Variants in KCTD16 observed in about 807,000 individuals in gnomAD.
The protein encoded by KCTD16 is BTB/POZ domain-containing protein KCTD16.
A neutral mutation model predicts 33.2 loss-of-function variants in KCTD16; 13 were observed. That is an observed-to-expected ratio of 0.39 (90% CI 0.25 to 0.62). The LOEUF (loss-of-function observed/expected upper bound fraction) is 0.62. Among genes scored for constraint, KCTD16 ranks in the 20% least tolerant of loss-of-function variants. The probability of loss-of-function intolerance (pLI) is 0.50; values close to 1 mark genes in which losing one functional copy is unlikely to be tolerated. For missense variants in KCTD16, 441 were observed against 525.1 expected (o/e 0.84, Z 1.57); for synonymous variants, 197 against 195.3 (o/e 1.01, Z -0.07).
intron 3 of KCTD16, among the ~76,000 whole-genome samples, chr5:144,345,808 A>C (rs1214388109): frequency 6.6e-6 from 1 of 152,208 alleles, no homozygotes; most frequent in Non-Finnish European, 1.5e-5. Flanking sequence ...ATCATGGGGA[A>C]TAGGGTAACC....
rs376852760 is a variant in KCTD16, at chr5:144,347,392, C to T, written c.833-126268C>T. Among the ~76,000 whole-genome samples the T allele has an allele frequency of 3.9e-4, 59 of 152,176 alleles. 1 individual carries two copies. The South Asian group carries it at 9.5e-3, about 25-fold the overall frequency. On this transcript the variant is annotated intron_variant, in intron 3 of 3. Coordinates refer to ENST00000512467, the MANE Select transcript of KCTD16 (RefSeq NM_020768.4). ...GGAGGATCACCTGAGGTCAGGAGTT[C>T]GAGACCCGCCTGGCCAACATGGTGA...
At chr5:144,446,821 G>C (rs993899800) in intron 3 of KCTD16, among the ~76,000 whole-genome samples, 1 of 152,026 alleles carries the variant, frequency 6.6e-6, no homozygotes, top group African/African-American at 2.4e-5. Context: ...CATCATCACT[G>C]GTCATTAGAG....
At chr5:144,261,077 T>C (rs1754994116) in intron 3 of KCTD16, among the ~76,000 whole-genome samples, 1 of 150,404 alleles carries the variant, frequency 6.6e-6, no homozygotes, top group Non-Finnish European at 1.5e-5. Flanking sequence ...CAACAGAGGC[T>C]GTCATGCTTA....
At chr5:144,410,484 T>C (rs930614431) in intron 3 of KCTD16, among the ~76,000 whole-genome samples, 4 of 152,220 alleles carry the variant, frequency 2.6e-5, no homozygotes, top group African/African-American at 7.2e-5. Context: ...GTTCTGGTTT[T>C]GTTTTTTCTT....
chr5:144,429,605 C>T (rs1753412473), intron 3 of KCTD16, among the ~76,000 whole-genome samples: 1 of 152,098 alleles, frequency 6.6e-6, no homozygotes, highest in Admixed American at 6.6e-5. Flanking sequence ...CTGAGTCATA[C>T]ACCTATCCTT....
At chr5:144,349,125 A>G (rs1485920340) in intron 3 of KCTD16, among the ~76,000 whole-genome samples, 1 of 152,214 alleles carries the variant, frequency 6.6e-6, no homozygotes, top group Non-Finnish European at 1.5e-5. Context: ...GCAGACCTTA[A>G]GAATAAAACA....
intron 3 of KCTD16, among the ~76,000 whole-genome samples, chr5:144,216,270 G>A (rs1218877984): frequency 3.3e-5 from 5 of 152,170 alleles, no homozygotes; most frequent in African/African-American, 1.2e-4. Context: ...GCTTCACACT[G>A]TGAGTAGCTG....
chr5:144,235,742 G>A lies in KCTD16; in HGVS notation c.832+28196G>A, dbSNP rs184564687. On this transcript the variant is annotated intron_variant, in intron 3 of 3. Coordinates refer to ENST00000512467, the MANE Select transcript of KCTD16 (RefSeq NM_020768.4). ...TATATTATAATGTTCTCTATATCTT[G>A]TCAAACTTCAGACACTATTGAAAAT... Among the ~76,000 whole-genome samples, 401 of 152,138 alleles carry A rather than the reference G, an allele frequency of 2.6e-3. 1 individual carries two copies. Among genetic ancestry groups the A allele is most frequent in the Admixed American group, 7.2e-3 (110 of 15,258 alleles).
intron 3 of KCTD16, among the ~76,000 whole-genome samples, chr5:144,238,068 C>T (rs922877086): frequency 6.6e-6 from 1 of 152,094 alleles, no homozygotes; most frequent in Non-Finnish European, 1.5e-5. Context: ...GAGAACAAAC[C>T]CTCTGCCAAC....
Position 144,238,840 on chromosome 5 carries a change from G to T in KCTD16, c.832+31294G>T, listed in dbSNP as rs118162859. On this transcript the variant is annotated intron_variant, in intron 3 of 3. Coordinates refer to ENST00000512467, the MANE Select transcript of KCTD16 (RefSeq NM_020768.4). ...ATCTATTCACAAATGCTTATTGAGC[G>T]CATCCTTATTGCTAGGCACTAGGGA... is the stretch of plus-strand genomic sequence containing the variant. Among the ~76,000 whole-genome samples the T allele has an allele frequency of 3.7e-4, 56 of 152,216 alleles. No individual in the cohort carries two copies. The East Asian group carries it at 5.8e-3, about 16-fold the overall frequency.
intron 3 of KCTD16, among the ~76,000 whole-genome samples, chr5:144,306,662 G>T (rs1751610098): frequency 6.6e-6 from 1 of 152,176 alleles, no homozygotes; most frequent in African/African-American, 2.4e-5. Context: ...TTTGACTTGG[G>T]CTCTGAAGAC....
chr5:144,343,829 C>T (rs184193220), intron 3 of KCTD16, among the ~76,000 whole-genome samples: 241 of 152,248 alleles, frequency 1.6e-3, no homozygotes, highest in African/African-American at 5.5e-3. Context: ...GCCTTCATTT[C>T]GTTATGTACC....
intron 3 of KCTD16, among the ~76,000 whole-genome samples, chr5:144,376,295 A>T (rs901180860): frequency 1.3e-5 from 2 of 152,136 alleles, no homozygotes. Context: ...TACTTTATTT[A>T]TGAAAGGTAT....
chr5:144,427,254 G>C (rs933820230), intron 3 of KCTD16, among the ~76,000 whole-genome samples: 2 of 151,976 alleles, frequency 1.3e-5, no homozygotes, highest in South Asian at 2.1e-4. Context: ...AATTAAGCGG[G>C]GGGAGGGGGG....
chr5:144,302,458 T>A (rs1006399453), intron 3 of KCTD16, among the ~76,000 whole-genome samples: 2 of 152,210 alleles, frequency 1.3e-5, no homozygotes, highest in East Asian at 3.9e-4. Context: ...CAACCATGAC[T>A]TTGGGTTCTA....
intron 3 of KCTD16, among the ~76,000 whole-genome samples, chr5:144,309,119 C>CT (rs34339311): frequency 6.6e-6 from 1 of 152,066 alleles, no homozygotes; most frequent in Non-Finnish European, 1.5e-5. Flanking sequence ...TTCACGCTGC[C>CT]TTTTTTCTGA....
At chr5:144,337,845 T>C (rs1392593967) in intron 3 of KCTD16, among the ~76,000 whole-genome samples, 1 of 151,868 alleles carries the variant, frequency 6.6e-6, no homozygotes, top group Non-Finnish European at 1.5e-5. Context: ...AGAGCCAGAG[T>C]GTCTAGGTCC....
At chr5:144,317,249 A>G (rs1247699524) in intron 3 of KCTD16, among the ~76,000 whole-genome samples, 7 of 152,160 alleles carry the variant, frequency 4.6e-5, no homozygotes, top group Non-Finnish European at 1.5e-5. Flanking sequence ...AAAAATCTAA[A>G]GCCACTCCCT....
intron 3 of KCTD16, among the ~76,000 whole-genome samples, chr5:144,386,715 A>G (rs956185182): frequency 6.6e-5 from 10 of 152,222 alleles, no homozygotes; most frequent in African/African-American, 2.4e-4. Context: ...GAAGAAAAAA[A>G]GAATGAAAAT....
Sources: gnomAD v4.1 joint callset for allele counts (sites outside exome capture counted in the v4.1 genomes callset) on GRCh38, gnomAD v4.1.1 for gene constraint, MANE v1.5 for transcripts, NCBI Gene and HGNC (gene_info 2026-07-23, HGNC 2026-07-21) for gene names.